SNIP1: variants seen among roughly 807,000 people sequenced by gnomAD.
The protein encoded by SNIP1 is Smad nuclear interacting protein 1, also known as smad nuclear-interacting protein 1.
Under a neutral mutation model 37.4 loss-of-function variants are expected in SNIP1, and 23 were observed. That is an observed-to-expected ratio of 0.61 (90% CI 0.44 to 0.87). The LOEUF (loss-of-function observed/expected upper bound fraction) is 0.87, where lower values mean the gene tolerates loss of function less well. Among genes scored for constraint, SNIP1 ranks in the 40% least tolerant of loss-of-function variants. The pLI, the probability that SNIP1 is intolerant of heterozygous loss-of-function variation, is 0.00. For missense variants in SNIP1, 459 were observed against 540.4 expected (o/e 0.85, Z 1.49); for synonymous variants, 174 against 200.0 (o/e 0.87, Z 1.10).
rs1273593510 is a variant in SNIP1 at position 37,537,232 on chromosome 1, C to G, written c.*516G>C. 6.5e-6 allele frequency: 1 copy of G among 153,444 alleles called. No individual in the cohort carries two copies. Among genetic ancestry groups the G allele is most frequent in the Admixed American group, 6.5e-5 (1 of 15,398 alleles). 9.5% of individuals were successfully genotyped at this position (153,444 alleles called of 1,614,324 possible). A position where few individuals can be genotyped will look rare whatever the true frequency, so the allele number is the denominator to read the frequency against. On this transcript the variant is annotated 3_prime_UTR_variant, in exon 4 of 4. Transcript: ENST00000296215. Reference sequence around the variant, plus strand: ...TAAGTGCAAAATCAACTTCTAAGCTCAAGAGCTCAAACAAGTCAAAGCTTT... The same window carrying G: ...TAAGTGCAAAATCAACTTCTAAGCTGAAGAGCTCAAACAAGTCAAAGCTTT...
chr1:37,544,462 A>AG (rs796342148), intron 2 of SNIP1, among the ~76,000 whole-genome samples: 30 of 150,494 alleles, frequency 2.0e-4, no homozygotes, highest in Admixed American at 3.3e-4. Flanking sequence ...AAAAAAAAAA[A>AG]AAAGAAAGAA....
chr1:37,542,569 GTC>G (rs1643188032), intron 2 of SNIP1, among the ~76,000 whole-genome samples: 1 of 151,554 alleles, frequency 6.6e-6, no homozygotes, highest in African/African-American at 2.4e-5. Flanking sequence ...GCGAAACTCT[GTC>G]TCTACTAAAA....
At position 37,554,192 on chromosome 1, in the gene SNIP1, C is replaced by T. The variant is rs1643335390; in HGVS notation, c.38G>A (p.Arg13Gln). The change falls in exon 1 of 4, where the codon CGG becomes CAG. Residue 13 changes from arginine to glutamine, a missense_variant. Arg to Gln is a conservative substitution (Grantham distance 43). Coordinates refer to ENST00000296215, the MANE Select transcript of SNIP1 (RefSeq NM_024700.4). ...AVKSERERGS[R>Q]RRHRDGDVVL... ...CACGTCCCCGTCCCGGTGTCTTCGCCGGCTCCCTCGCTCCCGTTCGCTCTT... is the reference window on the plus strand; with the variant it reads ...CACGTCCCCGTCCCGGTGTCTTCGCTGGCTCCCTCGCTCCCGTTCGCTCTT... 4 of 1,610,290 alleles carry T rather than the reference C, an allele frequency of 2.5e-6. No homozygotes were observed. Among genetic ancestry groups the T allele is most frequent in the Non-Finnish European group, 3.4e-6 (4 of 1,177,888 alleles).
intron 2 of SNIP1, among the ~76,000 whole-genome samples, chr1:37,544,038 G>C (rs1443916145): frequency 6.6e-6 from 1 of 151,958 alleles, no homozygotes; most frequent in Non-Finnish European, 1.5e-5. Context: ...CCAGCTACTC[G>C]GGAGGCTGAG....
intron 3 of SNIP1, 131 bp from the exon 4 acceptor site, chr1:37,538,143 T>A: frequency 9.1e-7 from 1 of 1,099,508 alleles, no homozygotes; most frequent in Non-Finnish European, 1.3e-6. Flanking sequence ...GTTAAAATTC[T>A]AGGGAATCAA....
intron 2 of SNIP1, among the ~76,000 whole-genome samples, chr1:37,547,228 A>C (rs1643248859): frequency 6.6e-6 from 1 of 152,188 alleles, no homozygotes; most frequent in African/African-American, 2.4e-5. Flanking sequence ...ACCTTGGAAG[A>C]GAAGAGATAG....
chr1:37,547,868 C>T (rs1049347788), intron 2 of SNIP1, among the ~76,000 whole-genome samples: 8 of 150,768 alleles, frequency 5.3e-5, no homozygotes, highest in Non-Finnish European at 1.2e-4. Flanking sequence ...ATCTCAGGGC[C>T]AGGTGCAGTG....
Position 37,536,839 on chromosome 1 carries a change from GT to G in SNIP1, c.*908del, listed in dbSNP as rs1261432654. 6.6e-6 allele frequency: 1 copy of G among 152,122 alleles called. No homozygotes were observed. The highest frequency in any genetic ancestry group is 2.4e-5 in the African/African-American group (1 of 41,424). The allele number at this position is 152,122 out of a possible 1,614,324, so 9.4% of individuals were successfully genotyped here. Reference sequence around the variant, plus strand: ...TAAAGGATGAAATGTGTAGAAACATGTAAACAACACAACCTGCTTTAGATCT... The same window carrying G: ...TAAAGGATGAAATGTGTAGAAACATGAAACAACACAACCTGCTTTAGATCT... On this transcript the variant is annotated 3_prime_UTR_variant, in exon 4 of 4. Coordinates refer to ENST00000296215, the MANE Select transcript of SNIP1 (RefSeq NM_024700.4).
chr1:37,542,557 T>C (rs779669355), intron 2 of SNIP1, among the ~76,000 whole-genome samples: 3 of 151,856 alleles, frequency 2.0e-5, no homozygotes, highest in Non-Finnish European at 2.9e-5. Flanking sequence ...CTGGGCAACA[T>C]GGCGAAACTC....
chr1:37,542,550 G>A (rs1643187662), intron 2 of SNIP1, among the ~76,000 whole-genome samples: 1 of 151,540 alleles, frequency 6.6e-6, no homozygotes, highest in African/African-American at 2.4e-5. Flanking sequence ...GACCAGCCTG[G>A]GCAACATGGC....
chr1:37,548,074 C>T (rs1166248692), intron 2 of SNIP1, among the ~76,000 whole-genome samples: 1 of 148,272 alleles, frequency 6.7e-6, no homozygotes, highest in Non-Finnish European at 1.5e-5. Context: ...ATGGCGTGAA[C>T]CCCGGGAGGC....
rs758846712 is a variant in SNIP1 at position 37,554,072 on chromosome 1, G to A, written c.158C>T (p.Pro53Leu). The change falls in exon 1 of 4, where the codon CCG becomes CTG. Residue 53 changes from proline to leucine, a missense_variant. Pro to Leu is a moderately conservative substitution (Grantham distance 98). Transcript: ENST00000296215. ...HRRPDHSGGSPSPPTSEPARS... is the reference protein window; with the variant it reads ...HRRPDHSGGSLSPPTSEPARS... The stretch of plus-strand genomic sequence containing the variant: ...GGCCGGCTCGCTGGTCGGCGGAGAC[G>A]GGCTACCACCGGAGTGGTCCGGACG... 23 of 1,602,640 alleles carry A rather than the reference G, an allele frequency of 1.4e-5. No homozygotes were observed. The East Asian group carries it at 4.8e-4, about 33-fold the overall frequency.
In SNIP1 at chr1:37,540,831, C is replaced by G. The variant is rs571264081; in HGVS notation, c.328-76G>C. 4 of 1,381,152 alleles carry G rather than the reference C, an allele frequency of 2.9e-6. No individual in the cohort carries two copies. The highest frequency in any genetic ancestry group is 3.9e-6 in the Non-Finnish European group (4 of 1,028,110). 85.6% of individuals were successfully genotyped at this position (1,381,152 alleles called of 1,614,324 possible). On this transcript the variant is annotated intron_variant, in intron 2 of 3. Transcript: ENST00000296215. The surrounding 1 kb of genome is among the most constrained non-coding windows in gnomAD (Gnocchi z 5.6). ...CAGCCCAAATCTTGTTCTTTTTGAA[C>G]GAAGTGCATGCAAAAAGTCTTGTAA...
In SNIP1 at chr1:37,536,912, GT is replaced by G. The variant is rs1173127347; in HGVS notation, c.*835del. ...AAAGAACGCTGTCACATCAGTGACA[GT>G]TTATTTCTCAAAGAAAAAAAGAGAT... On this transcript the variant is annotated 3_prime_UTR_variant, in exon 4 of 4. Transcript: ENST00000296215. The G allele has an allele frequency of 6.6e-6, 1 of 151,730 alleles. No individual in the cohort carries two copies. Among genetic ancestry groups the G allele is most frequent in the Non-Finnish European group, 1.5e-5 (1 of 67,728 alleles). 9.4% of individuals were successfully genotyped at this position (151,730 alleles called of 1,614,324 possible).
intron 2 of SNIP1, among the ~76,000 whole-genome samples, chr1:37,546,747 TC>T (rs1488136484): frequency 6.6e-6 from 1 of 152,216 alleles, no homozygotes; most frequent in East Asian, 1.9e-4. Context: ...TCCTCTGTCT[TC>T]CCTTGAACCC....
At position 37,551,817 on chromosome 1, in the gene SNIP1, A is replaced by T. The variant is rs116639012; in HGVS notation, c.327+828T>A. Among the ~76,000 whole-genome samples, 827 of 152,374 alleles carry T rather than the reference A, an allele frequency of 5.4e-3. 4 individuals are homozygous for T. Among genetic ancestry groups the T allele is most frequent in the African/African-American group, 0.018 (758 of 41,586 alleles). ...AACTAATACAGCCACTCTGGAAAAC[A>T]GTCTGGCAATTTCTTAAAAGAATTA... On this transcript the variant is annotated intron_variant, in intron 2 of 3. Transcript: ENST00000296215.
At chr1:37,552,251 A>G (rs1275703096) in intron 2 of SNIP1, among the ~76,000 whole-genome samples, 1 of 152,272 alleles carries the variant, frequency 6.6e-6, no homozygotes, top group Admixed American at 6.5e-5. Flanking sequence ...GGGTTTGGCT[A>G]CAAAAGGACA....
chr1:37,551,868 CA>C (rs1643305352), intron 2 of SNIP1, among the ~76,000 whole-genome samples: 1 of 152,188 alleles, frequency 6.6e-6, no homozygotes, highest in Non-Finnish European at 1.5e-5. Context: ...TACAATCCAG[CA>C]ATTGTACTCC....
rs966018875 is a variant in SNIP1, at chr1:37,537,472, T to G, written c.*276A>C. 1.3e-5 allele frequency: 5 copies of G among 395,690 alleles called. No individual in the cohort carries two copies. The highest frequency in any genetic ancestry group is 1.0e-4 in the African/African-American group (5 of 49,330). 24.5% of individuals were successfully genotyped at this position (395,690 alleles called of 1,614,324 possible). ...AAAGCACCAACTAAAACCACAACAC[T>G]TCTACTAAAACACGGTGTGTTGTAA... On this transcript the variant is annotated 3_prime_UTR_variant, in exon 4 of 4. Coordinates refer to ENST00000296215, the MANE Select transcript of SNIP1 (RefSeq NM_024700.4).
Sources: gnomAD v4.1 joint callset for allele counts (sites outside exome capture counted in the v4.1 genomes callset) on GRCh38, gnomAD v4.1.1 for gene constraint, Gnocchi (gnomAD v3.1) non-coding constraint, MANE v1.5 for transcripts, NCBI Gene and HGNC (gene_info 2026-07-23, HGNC 2026-07-21) for gene names.